STK39: variants seen among roughly 807,000 people sequenced by gnomAD.
STK39 encodes the protein serine/threonine kinase 39.
A neutral mutation model predicts 77.8 loss-of-function variants in STK39; 20 were observed. The ratio of observed to expected loss-of-function variants is 0.26; its 90% CI spans 0.18 to 0.37. The LOEUF is 0.37. Among genes scored for constraint, STK39 ranks in the 10% least tolerant of loss-of-function variants. The pLI, the probability that STK39 is intolerant of heterozygous loss-of-function variation, is 1.00. For missense variants in STK39, 479 were observed against 656.5 expected (o/e 0.73, Z 2.95); for synonymous variants, 246 against 234.1 (o/e 1.05, Z -0.47).
chr2:167,964,688 C>T lies in STK39; in HGVS notation c.1537G>A (p.Ala513Thr), dbSNP rs935846655. 3.7e-6 allele frequency: 6 copies of T among 1,611,486 alleles called. No homozygotes were observed. In the African/African-American group the frequency reaches 5.3e-5, roughly 14 times the overall value. Residue 513 changes from alanine (A) to threonine (T), a missense_variant, in exon 17 of 18, where the codon GCT becomes ACT. Ala to Thr is a moderately conservative substitution (Grantham distance 58, BLOSUM62 0). Coordinates refer to ENST00000355999, the MANE Select transcript of STK39 (RefSeq NM_013233.3). ...NLQKIVDDPK[A>T]LKTLTFKLAS... ...AACTTAAATGTCAATGTTTTTAAAG[C>T]TTTGGGATCATCTACAATCTTCTGT...
At chr2:168,239,099 A>C (rs1690693509) in intron 1 of STK39, among the ~76,000 whole-genome samples, 1 of 152,194 alleles carries the variant, frequency 6.6e-6, no homozygotes, top group Admixed American at 6.5e-5. Context: ...AACTCCTGCC[A>C]TCCTAACAAC....
chr2:168,029,152 A>T (rs1684773183), intron 14 of STK39, among the ~76,000 whole-genome samples: 6 of 152,222 alleles, frequency 3.9e-5, no homozygotes, highest in Admixed American at 1.3e-4. Context: ...TTTTGTTGTT[A>T]AAAATAACAG....
At chr2:168,169,631 C>CATGTGTGTGTGT (rs145116864) in intron 2 of STK39, among the ~76,000 whole-genome samples, 1 of 145,828 alleles carries the variant, frequency 6.9e-6, no homozygotes, top group African/African-American at 2.5e-5. Context: ...TTGCAGTGAG[C>CATGTGTGTGTGT]GTGTGTGTGT....
chr2:168,005,113 C>A (rs9677475), intron 16 of STK39, among the ~76,000 whole-genome samples: 5,539 of 149,320 alleles, frequency 0.037, 318 homozygotes, highest in African/African-American at 0.13. Flanking sequence ...TCAAGCAATT[C>A]TCCTGCCTCA....
chr2:168,188,223 A>C (rs888171229), intron 1 of STK39, among the ~76,000 whole-genome samples: 9 of 152,226 alleles, frequency 5.9e-5, no homozygotes, highest in Non-Finnish European at 1.2e-4. Context: ...CCCACAGGCC[A>C]GTCAGTCACA....
chr2:168,183,367 C>T (rs143377743), intron 1 of STK39, among the ~76,000 whole-genome samples: 1 of 152,276 alleles, frequency 6.6e-6, no homozygotes, highest in East Asian at 1.9e-4. Flanking sequence ...ACAGTAGACA[C>T]TTGACTCCTT....
At chr2:168,226,818 A>G (rs769540192) in intron 1 of STK39, among the ~76,000 whole-genome samples, 11 of 152,262 alleles carry the variant, frequency 7.2e-5, no homozygotes, top group Non-Finnish European at 1.3e-4. Context: ...GTATAAATGC[A>G]ATACCACTGG....
intron 15 of STK39, among the ~76,000 whole-genome samples, chr2:168,016,539 G>A (rs575235169): frequency 6.6e-6 from 1 of 152,130 alleles, no homozygotes; most frequent in Non-Finnish European, 1.5e-5. Flanking sequence ...CCGCAGAGGG[G>A]GTCAAAGGGT....
intron 16 of STK39, among the ~76,000 whole-genome samples, chr2:167,990,239 T>C (rs965204651): frequency 6.6e-6 from 1 of 152,178 alleles, no homozygotes; most frequent in Non-Finnish European, 1.5e-5. Flanking sequence ...CAGGCTCTCC[T>C]AAGACAAATG....
intron 5 of STK39, among the ~76,000 whole-genome samples, chr2:168,161,303 C>G (rs3769389): frequency 1.3e-5 from 2 of 152,084 alleles, no homozygotes; most frequent in Non-Finnish European, 2.9e-5. Flanking sequence ...TCATTGCATC[C>G]CCAGCCTACC....
At chr2:168,161,899 AT>A in intron 4 of STK39, 57 bp from the exon 5 acceptor site, 2 of 1,302,756 alleles carry the variant, frequency 1.5e-6, no homozygotes, top group Non-Finnish European at 2.2e-6. Context: ...TAGTGTATTG[AT>A]TCACTCAGGA....
chr2:168,182,761 T>A (rs1689112903), intron 1 of STK39, among the ~76,000 whole-genome samples: 1 of 152,196 alleles, frequency 6.6e-6, no homozygotes, highest in Non-Finnish European at 1.5e-5. Context: ...TGTAGACATG[T>A]AATGATTTGC....
At chr2:168,176,502 C>T (rs1161465746) in intron 2 of STK39, among the ~76,000 whole-genome samples, 3 of 152,126 alleles carry the variant, frequency 2.0e-5, no homozygotes, top group Non-Finnish European at 4.4e-5. Flanking sequence ...CAAATCATAG[C>T]TAACTCATTT....
chr2:168,075,434 G>T (rs888489112), intron 10 of STK39, among the ~76,000 whole-genome samples: 6 of 152,096 alleles, frequency 3.9e-5, no homozygotes, highest in South Asian at 2.1e-4. Flanking sequence ...AAAATGCTGT[G>T]TTTTTTGAAA....
intron 14 of STK39, among the ~76,000 whole-genome samples, chr2:168,044,658 C>T (rs1685192998): frequency 6.6e-6 from 1 of 151,986 alleles, no homozygotes; most frequent in Non-Finnish European, 1.5e-5. Context: ...CTACAAATAC[C>T]CAAATTCATG....
intron 1 of STK39, among the ~76,000 whole-genome samples, chr2:168,221,141 T>C (rs1690158629): frequency 6.6e-6 from 1 of 152,188 alleles, no homozygotes. Flanking sequence ...AGGATACCTT[T>C]GTTCAAAGGC....
At chr2:168,027,754 G>A (rs1488901116) in intron 14 of STK39, among the ~76,000 whole-genome samples, 1 of 152,190 alleles carries the variant, frequency 6.6e-6, no homozygotes, top group East Asian at 1.9e-4. Context: ...TCAGGCTTGA[G>A]ACTCTTGACA....
In STK39 at chr2:168,215,858, G is replaced by A. The variant is rs192467327; in HGVS notation, c.208+31370C>T. On this transcript the variant is annotated intron_variant, in intron 1 of 17. Coordinates refer to ENST00000355999, the MANE Select transcript of STK39 (RefSeq NM_013233.3). ...GATAAAGGTCATCACCATGGACCAT[G>A]GTACTGGGGTAGAGGACAAAGCCAC... 5.1e-4 allele frequency among the ~76,000 whole-genome samples: 78 copies of A among 152,226 alleles called. 1 individual carries two copies. The highest frequency in any genetic ancestry group is 1.7e-3 in the African/African-American group (70 of 41,550).
chr2:168,006,820 C>T (rs749775778), intron 16 of STK39, among the ~76,000 whole-genome samples: 11 of 152,210 alleles, frequency 7.2e-5, no homozygotes, highest in Non-Finnish European at 1.5e-4. Flanking sequence ...AGTCTACAAA[C>T]AGCACATTTC....
Sources: gnomAD v4.1 joint callset for allele counts (sites outside exome capture counted in the v4.1 genomes callset) on GRCh38, gnomAD v4.1.1 for gene constraint, MANE v1.5 for transcripts, NCBI Gene and HGNC (gene_info 2026-07-23, HGNC 2026-07-21) for gene names.